FHAD1: variants seen among roughly 807,000 people sequenced by gnomAD.
FHAD1 encodes forkhead associated phosphopeptide binding domain 1.
In FHAD1, 146 loss-of-function variants were observed where a neutral mutation model predicts 191.3. That is an observed-to-expected ratio of 0.76 (90% CI 0.67 to 0.88). FHAD1 has a LOEUF of 0.88. Ranked by LOEUF, FHAD1 falls within the 40% of genes least tolerant of loss-of-function variation. FHAD1 has a pLI of 0.00. For missense variants in FHAD1, 1,635 were observed against 1,785.8 expected, an observed-to-expected ratio of 0.92 and a Z score of 1.52; for synonymous variants, 616 against 672.3, an observed-to-expected ratio of 0.92 and a Z score of 1.29.
chr1:15,309,385 C>A (rs913505084), intron 7 of FHAD1, among the ~76,000 whole-genome samples: 3 of 152,224 alleles, frequency 2.0e-5, no homozygotes, highest in African/African-American at 7.2e-5. Context: ...CAGTCAAGAT[C>A]CCTCTGCCCC....
chr1:15,370,272 T>C (rs1451447769), intron 26 of FHAD1, among the ~76,000 whole-genome samples: 2 of 152,230 alleles, frequency 1.3e-5, no homozygotes, highest in Non-Finnish European at 2.9e-5. Context: ...CCACCACGCC[T>C]GGCCCATATA....
chr1:15,358,943 G>A (rs757670991), intron 21 of FHAD1, among the ~76,000 whole-genome samples: 6 of 146,764 alleles, frequency 4.1e-5, no homozygotes, highest in Middle Eastern at 3.2e-3. Context: ...TGACCTTGGC[G>A]GGAGCTGGGG....
chr1:15,351,178 C>G (rs1168463176), intron 19 of FHAD1, among the ~76,000 whole-genome samples: 1 of 152,142 alleles, frequency 6.6e-6, no homozygotes, highest in Non-Finnish European at 1.5e-5. Flanking sequence ...AACCCCATCT[C>G]TACTAGAAAT....
intron 3 of FHAD1, among the ~76,000 whole-genome samples, chr1:15,288,978 A>G (rs1193881918): frequency 1.3e-5 from 2 of 152,058 alleles, no homozygotes; most frequent in Admixed American, 6.6e-5. Context: ...GAAGTGACTC[A>G]TTGTTTTTTT....
At chr1:15,366,066 TC>T in intron 24 of FHAD1, 133 bp downstream of exon 24, 1 of 597,876 alleles carries the variant, frequency 1.7e-6, no homozygotes, top group Non-Finnish European at 3.0e-6. Context: ...GGCAGTTGGA[TC>T]ACAAGGTCAG....
chr1:15,346,310 C>G (rs1317328049), intron 18 of FHAD1, among the ~76,000 whole-genome samples: 1 of 152,204 alleles, frequency 6.6e-6, no homozygotes, highest in Non-Finnish European at 1.5e-5. Context: ...TTCATAAAAT[C>G]TATTTAAAAG....
In FHAD1 at chr1:15,369,402, A is replaced by C. The variant is rs1466633428; in HGVS notation, c.3347A>C (p.Asn1116Thr). Residue 1116 changes from asparagine to threonine, a missense_variant, in exon 26 of 34, where the codon AAC becomes ACC. By Grantham distance (65) the Asn-to-Thr change is moderately conservative (BLOSUM62 0). Coordinates refer to ENST00000688493, the MANE Select transcript of FHAD1 (RefSeq NM_001391957.1). ...CAAGAGAAACACAGACTCCAGCTGA[A>C]CACAGAGAAGGAACAGAAGCCCCGG... ...ASQEKHRLQLNTEKEQKPRKK... is the reference protein window; with the variant it reads ...ASQEKHRLQLTTEKEQKPRKK... The C allele has an allele frequency of 1.3e-6, 2 of 1,552,022 alleles. No homozygotes were observed. Among genetic ancestry groups the C allele is most frequent in the Non-Finnish European group, 1.7e-6 (2 of 1,147,066 alleles).
At chr1:15,262,725 CATTT>C (rs1557944742) in intron 2 of FHAD1, among the ~76,000 whole-genome samples, 5 of 152,192 alleles carry the variant, frequency 3.3e-5, no homozygotes, top group Admixed American at 6.5e-5. Flanking sequence ...TTGCTTTCAC[CATTT>C]GGCTACTGTG....
At chr1:15,328,460 T>C (rs1054864699) in intron 13 of FHAD1, 31 bp downstream of exon 13, 1 of 1,368,542 alleles carries the variant, frequency 7.3e-7, no homozygotes. Flanking sequence ...CCACAAATGG[T>C]CTCTTTGTCT....
At chr1:15,300,244 T>TG (rs1222623788) in intron 5 of FHAD1, among the ~76,000 whole-genome samples, 1 of 152,162 alleles carries the variant, frequency 6.6e-6, no homozygotes, top group Non-Finnish European at 1.5e-5. Context: ...TTTGGAGAGA[T>TG]GGGGGACTGG....
intron 1 of FHAD1, among the ~76,000 whole-genome samples, chr1:15,239,737 C>T (rs550264662): frequency 6.6e-6 from 1 of 152,292 alleles, no homozygotes; most frequent in African/African-American, 2.4e-5. Flanking sequence ...ACCTCCTGTT[C>T]CAAGGAACTC....
intron 2 of FHAD1, among the ~76,000 whole-genome samples, chr1:15,257,880 C>T (rs1649044778): frequency 6.6e-6 from 1 of 152,174 alleles, no homozygotes; most frequent in Non-Finnish European, 1.5e-5. Context: ...CTCGCTCTGT[C>T]ACCCAGGCTG....
chr1:15,310,535 A>C (rs1225232754), intron 7 of FHAD1, among the ~76,000 whole-genome samples: 1 of 152,164 alleles, frequency 6.6e-6, no homozygotes, highest in Non-Finnish European at 1.5e-5. Context: ...ACCTGGGCTC[A>C]GGTATGGCCT....
chr1:15,247,533 A>T (rs1646227967), intron 1 of FHAD1, 138 bp downstream of exon 1: 1 of 158,740 alleles, frequency 6.3e-6, no homozygotes, highest in Non-Finnish European at 1.4e-5. Context: ...CCCCAGGAGC[A>T]CCCCAGTAGC....
intron 22 of FHAD1, among the ~76,000 whole-genome samples, chr1:15,361,928 C>G (rs150227258): frequency 6.6e-6 from 1 of 151,560 alleles, no homozygotes; most frequent in African/African-American, 2.4e-5. Context: ...CGCTTGAACC[C>G]GGGAGGCGGA....
rs866814005 is a variant in FHAD1 at position 15,381,645 on chromosome 1, G to A, written c.4022+194G>A. On this transcript the variant is annotated intron_variant, in intron 30 of 33. Transcript: ENST00000688493. The surrounding 1 kb of genome is among the most constrained non-coding windows in gnomAD (Gnocchi z 4.6). ...GAGGGAATTCTGTCCCCGAGATCAC[G>A]GCTGCAGAAGTGCACGGTTTCCCCA... is the stretch of plus-strand genomic sequence containing the variant. Among the ~76,000 whole-genome samples the A allele has an allele frequency of 3.2e-4, 48 of 152,190 alleles. No homozygotes were observed. Among genetic ancestry groups the A allele is most frequent in the Admixed American group, 9.8e-4 (15 of 15,286 alleles).
intron 23 of FHAD1, chr1:15,363,691 C>T: frequency 4.4e-6 from 2 of 454,436 alleles, no homozygotes; most frequent in Non-Finnish European, 8.8e-6. Flanking sequence ...AAGGGGTCGG[C>T]TAAGTGACCT....
At chr1:15,320,916 G>T (rs1676033878) in intron 10 of FHAD1, among the ~76,000 whole-genome samples, 1 of 152,034 alleles carries the variant, frequency 6.6e-6, no homozygotes, top group Non-Finnish European at 1.5e-5. Flanking sequence ...CTTCTTTTGA[G>T]TTGATGGGTT....
chr1:15,304,099 A>G (rs1463509225), intron 6 of FHAD1, among the ~76,000 whole-genome samples: 1 of 152,230 alleles, frequency 6.6e-6, no homozygotes, highest in African/African-American at 2.4e-5. Context: ...TGTTCTGATT[A>G]CTTTATTCTC....
Sources: allele counts gnomAD v4.1 joint callset (sites outside exome capture counted in the v4.1 genomes callset), GRCh38; gene constraint gnomAD v4.1.1; non-coding constraint Gnocchi (gnomAD v3.1); transcripts MANE v1.5; gene names NCBI Gene and HGNC (gene_info 2026-07-23, HGNC 2026-07-21).